The following UBE3B variants were observed in gnomAD, a reference collection of about 807,000 sequenced individuals.
UBE3B encodes the protein ubiquitin-protein ligase E3B.
In UBE3B, 80 loss-of-function variants were observed where a neutral mutation model predicts 132.3. The observed-to-expected ratio is 0.60, with a 90% CI of 0.50 to 0.73. The LOEUF (loss-of-function observed/expected upper bound fraction) is 0.73, where lower values mean the gene tolerates loss of function less well. Ranked by LOEUF, UBE3B falls within the 30% of genes least tolerant of loss-of-function variation. UBE3B has a pLI of 0.00. For synonymous variants in UBE3B, 487 were observed against 520.4 expected (o/e 0.94, Z 0.87); for missense variants, 1,196 against 1,362.5 (o/e 0.88, Z 1.92).
At chr12:109,546,564 C>G in the UBE3B span, among the ~76,000 whole-genome samples, 1 of 152,210 alleles carries the variant, frequency 6.6e-6, no homozygotes. Flanking sequence ...TCAGTGCATG[C>G]AGGGGTCTTT....
chr12:109,537,240 G>C (rs1370454418), downstream of UBE3B, among the ~76,000 whole-genome samples: 1 of 152,142 alleles, frequency 6.6e-6, no homozygotes, highest in Non-Finnish European at 1.5e-5. Context: ...GGGTGTGCCA[G>C]GCGTTGTTCC....
chr12:109,546,665 T>C, the UBE3B span, among the ~76,000 whole-genome samples: 48 of 152,344 alleles, frequency 3.2e-4, no homozygotes, highest in Middle Eastern at 3.4e-3. Context: ...ATAAATATTT[T>C]TGGGCACCTG....
chr12:109,528,846 T>C lies in UBE3B; in HGVS notation c.2628-1044T>C, dbSNP rs921285071. Among the ~76,000 whole-genome samples the C allele has an allele frequency of 2.9e-5, 4 of 136,846 alleles. No individual in the cohort carries two copies. The Admixed American group carries it at 3.0e-4, about 10-fold the overall frequency. The allele number at this position is 136,846 out of a possible 152,430, so 89.8% of individuals were successfully genotyped here. A position where few individuals can be genotyped will look rare whatever the true frequency, so the allele number is the denominator to read the frequency against. ...CATGGGCGACAAGAATGAAACTCCATCTCAAAAAAAAAAAGAAAAGAAAAA... is the reference window on the plus strand; with the variant it reads ...CATGGGCGACAAGAATGAAACTCCACCTCAAAAAAAAAAAGAAAAGAAAAA... On this transcript the variant is annotated intron_variant, in intron 24 of 27. Transcript: ENST00000342494.
intron 4 of UBE3B, among the ~76,000 whole-genome samples, chr12:109,485,418 A>C (rs1292438015): frequency 6.6e-6 from 1 of 152,214 alleles, no homozygotes; most frequent in Non-Finnish European, 1.5e-5. Flanking sequence ...GAGGACAGAT[A>C]AGCTGGAGGA....
intron 18 of UBE3B, among the ~76,000 whole-genome samples, chr12:109,513,708 A>G (rs1048013631): frequency 5.3e-5 from 8 of 151,572 alleles, no homozygotes; most frequent in African/African-American, 1.9e-4. Context: ...TTCTTTTGGG[A>G]ATTTTGCTTA....
At chr12:109,544,442 A>G in the UBE3B span, among the ~76,000 whole-genome samples, 1 of 152,000 alleles carries the variant, frequency 6.6e-6, no homozygotes, top group African/African-American at 2.4e-5. Context: ...TTTCAGAAGA[A>G]CTGCCCTGGC....
Position 109,533,081 on chromosome 12 carries a change from C to A in UBE3B, c.2923-385C>A, listed in dbSNP as rs146949851. 3.6e-4 allele frequency among the ~76,000 whole-genome samples: 55 copies of A among 152,308 alleles called. No homozygotes were observed. In the East Asian group the frequency reaches 9.3e-3, roughly 26 times the overall value. On this transcript the variant is annotated intron_variant, in intron 26 of 27. Transcript: ENST00000342494. ...GTCTCCCATTTTCTCCTCACATGGT[C>A]TCTCTGTGGGAGGGTGTCAGCTGCT...
At position 109,510,560 on chromosome 12, in the gene UBE3B, C is replaced by G. The variant is rs1023322315; in HGVS notation, c.1856+102C>G. 16 of 899,596 alleles carry G rather than the reference C, an allele frequency of 1.8e-5. No homozygotes were observed. In the East Asian group the frequency reaches 4.2e-4, roughly 24 times the overall value. The allele number at this position is 899,596 out of a possible 1,614,324, so 55.7% of individuals were successfully genotyped here. On this transcript the variant is annotated intron_variant, in intron 17 of 27. Transcript: ENST00000342494. Reference sequence around the variant, plus strand: ...TTCTAGGGCAGAGAGGACTTTTTCCCTCTGCTTCATTTTGTCTGTTCATTT... The same window carrying G: ...TTCTAGGGCAGAGAGGACTTTTTCCGTCTGCTTCATTTTGTCTGTTCATTT...
chr12:109,516,494 G>A (rs1412325157), intron 18 of UBE3B, among the ~76,000 whole-genome samples: 2 of 152,078 alleles, frequency 1.3e-5, no homozygotes, highest in Admixed American at 6.5e-5. Flanking sequence ...GGATTTTCTC[G>A]TGGGCCATTC....
In UBE3B at chr12:109,535,042, G is replaced by A; in HGVS notation, c.*260G>A. ...CCACCAACACGGGTCCATTCTTCCT[G>A]GTGATGGCAGAGGGGCTTCTTTTAG... On this transcript the variant is annotated 3_prime_UTR_variant, in exon 28 of 28. Coordinates refer to ENST00000342494, the MANE Select transcript of UBE3B (RefSeq NM_130466.4). The A allele has an allele frequency of 2.8e-6, 1 of 358,976 alleles. No individual in the cohort carries two copies. Among genetic ancestry groups the A allele is most frequent in the Non-Finnish European group, 5.0e-6 (1 of 201,196 alleles). 22.2% of individuals were successfully genotyped at this position (358,976 alleles called of 1,614,324 possible).
chr12:109,542,238 C>T, the UBE3B span, among the ~76,000 whole-genome samples: 4 of 152,258 alleles, frequency 2.6e-5, no homozygotes, highest in Non-Finnish European at 5.9e-5. Context: ...GCAGACATTA[C>T]TAATTGATTC....
intron 24 of UBE3B, among the ~76,000 whole-genome samples, chr12:109,527,337 T>C (rs750166728): frequency 6.6e-6 from 1 of 152,230 alleles, no homozygotes; most frequent in African/African-American, 2.4e-5. Flanking sequence ...CAGTGGAGCC[T>C]GGCATGAGAA....
chr12:109,490,087 C>A, intron 8 of UBE3B, 83 bp downstream of exon 8: 1 of 1,336,622 alleles, frequency 7.5e-7, no homozygotes, highest in Non-Finnish European at 1.1e-6. Context: ...ATTCAGCATA[C>A]CTGGTGTCCT....
At chr12:109,531,370 C>T (rs78235098) in intron 26 of UBE3B, among the ~76,000 whole-genome samples, 3,246 of 152,300 alleles carry the variant, frequency 0.021, 47 homozygotes, top group Non-Finnish European at 0.035. Flanking sequence ...ACACACGCTT[C>T]TCTGTGTATG....
chr12:109,530,457 G>A, intron 25 of UBE3B, 90 bp from the exon 26 acceptor site: 1 of 1,068,754 alleles, frequency 9.4e-7, no homozygotes, highest in Non-Finnish European at 1.4e-6. Flanking sequence ...CTGCCAGAGT[G>A]GACCGTGCCA....
chr12:109,492,968 C>T (rs956751913), intron 9 of UBE3B, among the ~76,000 whole-genome samples: 1 of 152,208 alleles, frequency 6.6e-6, no homozygotes, highest in African/African-American at 2.4e-5. Flanking sequence ...TCAGTAGCCA[C>T]ATATAGCCAG....
chr12:109,503,683 C>A (rs1879291863), intron 14 of UBE3B, among the ~76,000 whole-genome samples: 1 of 152,318 alleles, frequency 6.6e-6, no homozygotes, highest in East Asian at 1.9e-4. Flanking sequence ...AGTATCTCAT[C>A]ACATGGATAT....
intron 13 of UBE3B, among the ~76,000 whole-genome samples, chr12:109,502,370 A>C (rs753065516): frequency 6.6e-6 from 1 of 152,170 alleles, no homozygotes; most frequent in Non-Finnish European, 1.5e-5. Flanking sequence ...AATGGGTTCC[A>C]TGGGAAGGTT....
At chr12:109,490,210 C>A in intron 8 of UBE3B, 1 of 867,662 alleles carries the variant, frequency 1.2e-6, no homozygotes, top group Non-Finnish European at 1.9e-6. Context: ...GCTGGGATCC[C>A]TTGAATGCTC....
Sources: allele counts gnomAD v4.1 joint callset (sites outside exome capture counted in the v4.1 genomes callset), GRCh38; gene constraint gnomAD v4.1.1; transcripts MANE v1.5; gene names NCBI Gene and HGNC (gene_info 2026-07-23, HGNC 2026-07-21).